AIG1: variants seen among roughly 807,000 people sequenced by gnomAD.
The protein encoded by AIG1 is androgen-induced gene 1 protein.
AIG1 carries 23 observed loss-of-function variants against 31.4 expected under a neutral mutation model. That is an observed-to-expected ratio of 0.73 (90% CI 0.53 to 1.04). The LOEUF is 1.04. Among genes scored for constraint, AIG1 ranks in the 50% least tolerant of loss-of-function variants. The pLI is 0.00. For synonymous variants in AIG1, 100 were observed against 110.5 expected (o/e 0.90, Z 0.60); for missense variants, 274 against 295.0 (o/e 0.93, Z 0.52).
At chr6:143,070,591 T>C (rs927085563) in intron 1 of AIG1, among the ~76,000 whole-genome samples, 2 of 152,216 alleles carry the variant, frequency 1.3e-5, no homozygotes, top group Non-Finnish European at 2.9e-5. Flanking sequence ...TGCTGGCATC[T>C]GGTGAGAGCC....
intron 4 of AIG1, among the ~76,000 whole-genome samples, chr6:143,285,980 C>A (rs1797657788): frequency 6.6e-6 from 1 of 152,140 alleles, no homozygotes; most frequent in Admixed American, 6.5e-5. Context: ...ATACCTGGAA[C>A]TTCCTATAGC....
At chr6:143,281,332 G>A (rs185326861) in intron 3 of AIG1, among the ~76,000 whole-genome samples, 237 of 152,300 alleles carry the variant, frequency 1.6e-3, no homozygotes, top group African/African-American at 5.6e-3. Context: ...TATTGACTGA[G>A]TACCTCTCTT....
At position 143,212,052 on chromosome 6, in the gene AIG1, G is replaced by A. The variant is rs957438279; in HGVS notation, c.399+46869G>A. 2.6e-5 allele frequency among the ~76,000 whole-genome samples: 4 copies of A among 152,110 alleles called. No homozygotes were observed. The South Asian group carries it at 6.2e-4, about 24-fold the overall frequency. ...AATTCTTGTTGGGTGGGGCCTGGGG[G>A]CTGTTCTGTGCATTGTAGAATGTTT... is the stretch of plus-strand genomic sequence containing the variant. On this transcript the variant is annotated intron_variant, in intron 3 of 5. Transcript: ENST00000357847.
At chr6:143,215,992 G>T (rs1791999817) in intron 3 of AIG1, among the ~76,000 whole-genome samples, 1 of 152,088 alleles carries the variant, frequency 6.6e-6, no homozygotes, top group Non-Finnish European at 1.5e-5. Context: ...ACAAAAACAG[G>T]TGGCTGGCTG....
chr6:143,175,998 C>T (rs1440689190), intron 3 of AIG1, among the ~76,000 whole-genome samples: 1 of 152,194 alleles, frequency 6.6e-6, no homozygotes, highest in East Asian at 1.9e-4. Flanking sequence ...CCTCAGGGTG[C>T]TCCCGTGATG....
intron 1 of AIG1, among the ~76,000 whole-genome samples, chr6:143,083,169 G>A (rs183106185): frequency 1.3e-5 from 2 of 152,350 alleles, no homozygotes; most frequent in African/African-American, 2.4e-5. Context: ...TGAGCCTTTG[G>A]TTTGGAAACC....
chr6:143,169,586 C>T (rs1787297244), intron 3 of AIG1, among the ~76,000 whole-genome samples: 1 of 152,078 alleles, frequency 6.6e-6, no homozygotes, highest in Non-Finnish European at 1.5e-5. Flanking sequence ...TAACCAGCCT[C>T]TCCATACTCT....
rs6930055 is a variant in AIG1, at chr6:143,263,469, A to G, written c.400-20641A>G. Among the ~76,000 whole-genome samples, 1,416 of 152,220 alleles carry G rather than the reference A, an allele frequency of 9.3e-3. 17 individuals are homozygous for G. The highest frequency in any genetic ancestry group is 0.033 in the African/African-American group (1,360 of 41,508). On this transcript the variant is annotated intron_variant, in intron 3 of 5. Coordinates refer to ENST00000357847, the MANE Select transcript of AIG1 (RefSeq NM_016108.4). Reference sequence around the variant, plus strand: ...TTTATTCAAATATTTTCCTGTACATACACCACATTTTCTTTAATGTATGCT... The same window carrying G: ...TTTATTCAAATATTTTCCTGTACATGCACCACATTTTCTTTAATGTATGCT...
In AIG1 at chr6:143,333,506, A is replaced by C; in HGVS notation, c.679+61A>C. ...TTACTGCCGGCAACAGTCTATGCAGAGACTGAGGGAAAATTCCACTGTAGC... is the reference window on the plus strand; with the variant it reads ...TTACTGCCGGCAACAGTCTATGCAGCGACTGAGGGAAAATTCCACTGTAGC... On this transcript the variant is annotated intron_variant, in intron 5 of 5. Coordinates refer to ENST00000357847, the MANE Select transcript of AIG1 (RefSeq NM_016108.4). The surrounding 1 kb of genome is among the most constrained non-coding windows in gnomAD (Gnocchi z 4.6). 1 of 1,538,098 alleles carries C rather than the reference A, an allele frequency of 6.5e-7. No homozygotes were observed. Among genetic ancestry groups the C allele is most frequent in the Non-Finnish European group, 8.8e-7 (1 of 1,135,934 alleles).
intron 1 of AIG1, among the ~76,000 whole-genome samples, chr6:143,096,308 T>C (rs569821869): frequency 6.6e-6 from 1 of 152,344 alleles, no homozygotes; most frequent in Non-Finnish European, 1.5e-5. Context: ...TTAAGAATTA[T>C]TTGTTAATTA....
intron 3 of AIG1, among the ~76,000 whole-genome samples, chr6:143,270,097 C>T (rs962669678): frequency 3.3e-5 from 5 of 152,194 alleles, no homozygotes; most frequent in East Asian, 1.9e-4. Flanking sequence ...AACAGGACCC[C>T]TACTGTCCAG....
chr6:143,190,150 T>C (rs1789655445), intron 3 of AIG1: 2 of 982,822 alleles, frequency 2.0e-6, no homozygotes, highest in Non-Finnish European at 2.4e-6. Flanking sequence ...TTTCAACATA[T>C]GAATTTTGAG....
chr6:143,072,557 A>C (rs1405161633), intron 1 of AIG1, among the ~76,000 whole-genome samples: 1 of 152,116 alleles, frequency 6.6e-6, no homozygotes, highest in East Asian at 1.9e-4. Context: ...TTTTGCAATT[A>C]AGTATGATGT....
rs150435752 is a variant in AIG1 at position 143,325,751 on chromosome 6, A to C, written c.516-7531A>C. 4.4e-3 allele frequency among the ~76,000 whole-genome samples: 666 copies of C among 152,324 alleles called. 4 individuals are homozygous for C. Among genetic ancestry groups the C allele is most frequent in the African/African-American group, 0.015 (631 of 41,582 alleles). On this transcript the variant is annotated intron_variant, in intron 4 of 5. Transcript: ENST00000357847. The surrounding 1 kb of genome is among the most constrained non-coding windows in gnomAD (Gnocchi z 4.3). Reference sequence around the variant, plus strand: ...ATAGAAGTTTCACAAAATAATTCTTATCATCATTATATGCAAGGCCCTGTA... The same window carrying C: ...ATAGAAGTTTCACAAAATAATTCTTCTCATCATTATATGCAAGGCCCTGTA...
chr6:143,153,196 G>C (rs1044147843), intron 2 of AIG1, among the ~76,000 whole-genome samples: 1 of 152,204 alleles, frequency 6.6e-6, no homozygotes, highest in African/African-American at 2.4e-5. Flanking sequence ...GGAAGGAAAT[G>C]TGCGAGGTAC....
At chr6:143,088,450 T>C (rs780062417) in intron 1 of AIG1, among the ~76,000 whole-genome samples, 8 of 152,112 alleles carry the variant, frequency 5.3e-5, no homozygotes, top group Non-Finnish European at 1.2e-4. Context: ...GCACTCAAAG[T>C]GGGTAATTTG....
At chr6:143,317,591 G>A (rs1413720267) in intron 4 of AIG1, among the ~76,000 whole-genome samples, 1 of 152,056 alleles carries the variant, frequency 6.6e-6, no homozygotes, top group African/African-American at 2.4e-5. Flanking sequence ...CTGAGAACTG[G>A]AACAAGACAA....
In AIG1 at chr6:143,140,889, G is replaced by A. The variant is rs560601219; in HGVS notation, c.297+3899G>A. 2.0e-5 allele frequency among the ~76,000 whole-genome samples: 3 copies of A among 152,294 alleles called. No homozygotes were observed. The South Asian group carries it at 6.2e-4, about 32-fold the overall frequency. On this transcript the variant is annotated intron_variant, in intron 2 of 5. Transcript: ENST00000357847. ...GAGTACCAGACATCCTATAGCTACA[G>A]GCGCAGAGCCTCAGCTTTGAGTCCT...
intron 3 of AIG1, among the ~76,000 whole-genome samples, chr6:143,223,584 T>G (rs1337749842): frequency 6.6e-6 from 1 of 152,212 alleles, no homozygotes; most frequent in African/African-American, 2.4e-5. Context: ...CAGCCCCACT[T>G]CATGCTTACG....
Sources: gnomAD v4.1 joint callset for allele counts (sites outside exome capture counted in the v4.1 genomes callset) on GRCh38, gnomAD v4.1.1 for gene constraint, Gnocchi (gnomAD v3.1) non-coding constraint, MANE v1.5 for transcripts, NCBI Gene and HGNC (gene_info 2026-07-23, HGNC 2026-07-21) for gene names.